The following STK24 variants were observed in gnomAD, a reference collection of about 807,000 sequenced individuals.
STK24 encodes serine/threonine kinase 24, also known as serine/threonine-protein kinase 24.
A neutral mutation model predicts 55.6 loss-of-function variants in STK24; 21 were observed. The ratio of observed to expected loss-of-function variants is 0.38; its 90% confidence interval spans 0.27 to 0.54. The LOEUF (loss-of-function observed/expected upper bound fraction) is 0.54, where lower values mean the gene tolerates loss of function less well. Ranked by LOEUF, STK24 falls within the 20% of genes least tolerant of loss-of-function variation. STK24 has a pLI of 0.79. For missense variants in STK24, 383 were observed against 538.4 expected, an observed-to-expected ratio of 0.71 and a Z score of 2.86; for synonymous variants, 200 against 215.2, an observed-to-expected ratio of 0.93 and a Z score of 0.62.
At chr13:98,526,563 T>C (rs1290351187) in intron 1 of STK24, among the ~76,000 whole-genome samples, 1 of 152,236 alleles carries the variant, frequency 6.6e-6, no homozygotes, top group Non-Finnish European at 1.5e-5. Context: ...GTCTCCTCAC[T>C]GTACTAGGCT....
chr13:98,549,209 C>T (rs1897103703), intron 1 of STK24, among the ~76,000 whole-genome samples: 1 of 152,222 alleles, frequency 6.6e-6, no homozygotes, highest in Non-Finnish European at 1.5e-5. Context: ...CTGTCTTAGT[C>T]AGCTCAGACT....
intron 1 of STK24, among the ~76,000 whole-genome samples, chr13:98,552,435 AGCCGGCGGAGGTCTTCTT>A (rs1228804441): frequency 3.3e-5 from 5 of 152,174 alleles, no homozygotes; most frequent in African/African-American, 1.2e-4. Context: ...TCTGCAGCTA[AGCCGGCGGAGGTCTTCTT>A]CCACTCAACC....
At chr13:98,537,328 CT>C (rs1293711561) in intron 1 of STK24, among the ~76,000 whole-genome samples, 1 of 152,232 alleles carries the variant, frequency 6.6e-6, no homozygotes, top group African/African-American at 2.4e-5. Context: ...GGCCTTCCCC[CT>C]GGATGGCGTT....
intron 1 of STK24, among the ~76,000 whole-genome samples, chr13:98,538,801 T>C (rs1836372394): frequency 6.6e-6 from 1 of 152,182 alleles, no homozygotes; most frequent in African/African-American, 2.4e-5. Flanking sequence ...TCACTGCCAC[T>C]GCCTCCTTCC....
intron 1 of STK24, chr13:98,522,160 G>A (rs1364806437): frequency 1.0e-6 from 1 of 960,220 alleles, no homozygotes; most frequent in Non-Finnish European, 1.2e-6. Flanking sequence ...CCTCCTCTGG[G>A]TAACTTTCCA....
intron 3 of STK24, among the ~76,000 whole-genome samples, chr13:98,481,654 C>T (rs1894585107): frequency 6.6e-6 from 1 of 152,152 alleles, no homozygotes. Flanking sequence ...ATAAGCTACC[C>T]AGCTGTTCTC....
chr13:98,461,934 GC>G, intron 7 of STK24, 37 bp from the exon 8 acceptor site: 2 of 1,608,724 alleles, frequency 1.2e-6, no homozygotes, highest in Non-Finnish European at 1.7e-6. Context: ...ATCAGTGCTC[GC>G]ACACCTGCTC....
At chr13:98,455,513 TTACA>T (rs1256762496) in intron 10 of STK24, 1 of 152,328 alleles carries the variant, frequency 6.6e-6, no homozygotes, top group Non-Finnish European at 1.5e-5. Flanking sequence ...AGCATTGGGA[TTACA>T]GGCATGAGCC....
rs761835879 is a variant in STK24 at position 98,457,206 on chromosome 13, G to A, written c.1221C>T (p.Ser407=). 81 of 1,612,394 alleles carry A rather than the reference G, an allele frequency of 5.0e-5. No individual in the cohort carries two copies. The Admixed American group carries it at 8.8e-4, about 18-fold the overall frequency. Reference sequence around the variant, plus strand: ...GCACGAGCTGGGCCACCATGGTGTCGGAGATGCCAGGGCACGCCTCCTCCG... The same window carrying A: ...GCACGAGCTGGGCCACCATGGTGTCAGAGATGCCAGGGCACGCCTCCTCCG... ...YLAEEACPGI[S]DTMVAQLVQR... Residue 407 remains serine, a synonymous_variant, in exon 10 of 11, where the codon TCC becomes TCT. Transcript: ENST00000539966.
chr13:98,506,846 A>G (rs575242918), intron 2 of STK24, among the ~76,000 whole-genome samples: 4 of 152,242 alleles, frequency 2.6e-5, no homozygotes, highest in Non-Finnish European at 4.4e-5. Flanking sequence ...TAGGACAAAT[A>G]CAGTCTTTTG....
intron 3 of STK24, among the ~76,000 whole-genome samples, chr13:98,476,739 C>CG (rs754344930): frequency 2.6e-5 from 4 of 152,182 alleles, no homozygotes; most frequent in Non-Finnish European, 4.4e-5. Context: ...CCCTGCTTTC[C>CG]GGCCCATGGG....
chr13:98,576,701 C>T (rs1178296535), intron 1 of STK24, 44 bp downstream of exon 1: 2 of 1,442,574 alleles, frequency 1.4e-6, no homozygotes, highest in East Asian at 6.3e-5. Flanking sequence ...TTGCTGCTTC[C>T]GCCCCGGTCG....
intron 2 of STK24, among the ~76,000 whole-genome samples, chr13:98,503,596 G>C (rs1895573141): frequency 6.6e-6 from 1 of 152,240 alleles, no homozygotes; most frequent in Non-Finnish European, 1.5e-5. Context: ...ACGCCAGTGG[G>C]AGACGTGGAA....
chr13:98,470,431 T>C (rs1044408498), intron 5 of STK24, among the ~76,000 whole-genome samples: 5 of 152,212 alleles, frequency 3.3e-5, no homozygotes, highest in Admixed American at 2.6e-4. Flanking sequence ...GTGCCTGGCC[T>C]ATGTCTGAGT....
In STK24 at chr13:98,451,893, A is replaced by G. The variant is rs1893212899; in HGVS notation, c.*1280T>C. 1 of 152,222 alleles carries G rather than the reference A, an allele frequency of 6.6e-6. No homozygotes were observed. Among genetic ancestry groups the G allele is most frequent in the African/African-American group, 2.4e-5 (1 of 41,430 alleles). The allele number at this position is 152,222 out of a possible 1,614,324, so 9.4% of individuals were successfully genotyped here. On this transcript the variant is annotated 3_prime_UTR_variant, in exon 11 of 11. Coordinates refer to ENST00000539966, the MANE Select transcript of STK24 (RefSeq NM_001032296.4). ...AGCAAGCATAGGCCCCTTCCAGAGAAGCAAAATAACTCTTAAGGTCCCCGG... is the reference window on the plus strand; with the variant it reads ...AGCAAGCATAGGCCCCTTCCAGAGAGGCAAAATAACTCTTAAGGTCCCCGG...
chr13:98,568,039 G>C (rs141669425), intron 1 of STK24, among the ~76,000 whole-genome samples: 3,183 of 150,446 alleles, frequency 0.021, 53 homozygotes, highest in East Asian at 0.066. Flanking sequence ...TCGCTCTGTC[G>C]CCCAGGCTGG....
rs185045043 is a variant in STK24 at position 98,469,303 on chromosome 13, C to T, written c.598-2742G>A. Among the ~76,000 whole-genome samples the T allele has an allele frequency of 7.2e-4, 110 of 152,312 alleles. No individual in the cohort carries two copies. In the East Asian group the frequency reaches 0.017, roughly 24 times the overall value. On this transcript the variant is annotated intron_variant, in intron 5 of 10. Coordinates refer to ENST00000539966, the MANE Select transcript of STK24 (RefSeq NM_001032296.4). ...GTGGCTCACGCCTGTAATCCCACCA[C>T]TTTGGGAGGCCGACGCAGGCAGATC...
At chr13:98,532,712 A>C (rs992199976) in intron 1 of STK24, among the ~76,000 whole-genome samples, 1 of 152,272 alleles carries the variant, frequency 6.6e-6, no homozygotes, top group African/African-American at 2.4e-5. Flanking sequence ...TCTTTCGAAG[A>C]AAAGTGTTAT....
chr13:98,448,449 C>T lies in STK24; in HGVS notation c.*4724G>A, dbSNP rs1893000570. The stretch of plus-strand genomic sequence containing the variant: ...CATGGCTTCCCAGCAGCTCTCCTGT[C>T]TCCACAGCCGCGTTTTTTAACCCCG... On this transcript the variant is annotated 3_prime_UTR_variant, in exon 11 of 11. Coordinates refer to ENST00000539966, the MANE Select transcript of STK24 (RefSeq NM_001032296.4). 3 of 742,486 alleles carry T rather than the reference C, an allele frequency of 4.0e-6. No individual in the cohort carries two copies. Among genetic ancestry groups the T allele is most frequent in the Middle Eastern group, 2.6e-4 (1 of 3,878 alleles). The allele number at this position is 742,486 out of a possible 1,614,324, so 46.0% of individuals were successfully genotyped here. A position where few individuals can be genotyped will look rare whatever the true frequency, so the allele number is the denominator to read the frequency against.
Sources: allele counts gnomAD v4.1 joint callset (sites outside exome capture counted in the v4.1 genomes callset), GRCh38; gene constraint gnomAD v4.1.1; transcripts MANE v1.5; gene names NCBI Gene and HGNC (gene_info 2026-07-23, HGNC 2026-07-21).